Variants in SIGLECL1 observed in about 807,000 individuals in gnomAD.
SIGLECL1 encodes the protein SIGLEC family like 1.
SIGLECL1 carries 16 observed loss-of-function variants against 19.1 expected under a neutral mutation model. The ratio of observed to expected loss-of-function variants is 0.84; its 90% confidence interval spans 0.57 to 1.27. The LOEUF is 1.27. SIGLECL1 is among the 50% of genes most tolerant of loss of function. SIGLECL1 has a pLI of 0.00. For missense variants in SIGLECL1, 210 were observed against 239.4 expected, an observed-to-expected ratio of 0.88 and a Z score of 0.81; for synonymous variants, 89 against 90.4, an observed-to-expected ratio of 0.98 and a Z score of 0.09.
upstream of SIGLECL1, among the ~76,000 whole-genome samples, chr19:51,248,053 A>T (rs932794127): frequency 4.6e-5 from 7 of 152,256 alleles, no homozygotes; most frequent in Admixed American, 2.0e-4. Context: ...TTTTCTTTTT[A>T]ATGAAAAGCA....
intron 3 of SIGLECL1, 47 bp from the exon 4 acceptor site, chr19:51,265,730 G>C (rs780594586): frequency 1.1e-5 from 17 of 1,613,502 alleles, no homozygotes; most frequent in Non-Finnish European, 1.4e-5. Context: ...GAATGGAGCA[G>C]AGTTTTGGCT....
intron 2 of SIGLECL1, among the ~76,000 whole-genome samples, chr19:51,265,034 G>A (rs1445171622): frequency 6.6e-6 from 1 of 152,196 alleles, no homozygotes; most frequent in Non-Finnish European, 1.5e-5. Context: ...TGGTCATAGA[G>A]CCTAAGAGGA....
intron 1 of SIGLECL1, among the ~76,000 whole-genome samples, chr19:51,259,059 A>T (rs1027756641): frequency 2.0e-5 from 3 of 152,212 alleles, no homozygotes; most frequent in African/African-American, 7.2e-5. Flanking sequence ...GAAGACCCAA[A>T]GTCATATGCA....
rs1248794866 is a variant in SIGLECL1, at chr19:51,268,711, C to G, written c.*114C>G. On this transcript the variant is annotated 3_prime_UTR_variant, in exon 6 of 6. Transcript: ENST00000601727. The stretch of plus-strand genomic sequence containing the variant: ...GAGGCTGTAATAAACCTGGAGCCCC[C>G]TGGACTCTCCTCAGCTCACAAAACC... 2 of 970,234 alleles carry G rather than the reference C, an allele frequency of 2.1e-6. No individual in the cohort carries two copies. Among genetic ancestry groups the G allele is most frequent in the African/African-American group, 3.3e-5 (2 of 60,972 alleles). 60.1% of individuals were successfully genotyped at this position (970,234 alleles called of 1,614,324 possible).
intron 1 of SIGLECL1, among the ~76,000 whole-genome samples, chr19:51,259,064 T>C (rs570153265): frequency 2.6e-5 from 4 of 152,320 alleles, no homozygotes; most frequent in Admixed American, 2.0e-4. Flanking sequence ...CCCAAAGTCA[T>C]ATGCATATTA....
chr19:51,262,363 A>G (rs1983298714), intron 1 of SIGLECL1, among the ~76,000 whole-genome samples: 4 of 152,240 alleles, frequency 2.6e-5, no homozygotes. Flanking sequence ...AAGATTTTGA[A>G]GAGTGTATAA....
rs778202388 is a variant in SIGLECL1, at chr19:51,267,410, G to T, written c.448G>T (p.Ala150Ser). Residue 150 changes from alanine (A) to serine (S), a missense_variant, in exon 5 of 6, where the codon GCA (alanine) becomes TCA (serine). Coordinates refer to ENST00000601727, the MANE Select transcript of SIGLECL1 (RefSeq NM_001385465.1). ...CAGAAAGAAGCAGGCGAAGAAAGCT[G>T]CAGCGATCAGAGCAAAAAAGAGCTC... is the stretch of plus-strand genomic sequence containing the variant. ...HIRKKQAKKA[A>S]AIRAKKSSKV... is the part of the protein sequence containing the mutation. 1.9e-6 allele frequency: 3 copies of T among 1,613,736 alleles called. No homozygotes were observed. The highest frequency in any genetic ancestry group is 2.5e-6 in the Non-Finnish European group (3 of 1,180,040).
At chr19:51,261,618 A>G (rs1382727048) in intron 1 of SIGLECL1, among the ~76,000 whole-genome samples, 4 of 152,146 alleles carry the variant, frequency 2.6e-5, no homozygotes. Context: ...CTTTACACTT[A>G]TGCTTTGGTT....
chr19:51,267,069 C>A (rs1983735023), intron 4 of SIGLECL1, among the ~76,000 whole-genome samples: 1 of 152,092 alleles, frequency 6.6e-6, no homozygotes, highest in African/African-American at 2.4e-5. Context: ...GGTGTCAGGG[C>A]AAACTGAGGA....
At chr19:51,247,862 C>T (rs895905151), upstream of SIGLECL1, among the ~76,000 whole-genome samples, 12 of 152,208 alleles carry the variant, frequency 7.9e-5, no homozygotes, top group Non-Finnish European at 1.2e-4. Flanking sequence ...TAATCCTGAA[C>T]GGGTCCTGTT....
upstream of SIGLECL1, among the ~76,000 whole-genome samples, chr19:51,249,044 T>G (rs1212402800): frequency 6.6e-6 from 1 of 152,142 alleles, no homozygotes; most frequent in East Asian, 1.9e-4. Flanking sequence ...AATAGGTAAC[T>G]TACTGAAACA....
At chr19:51,246,439 T>C (rs1982260148), upstream of SIGLECL1, 1 of 152,298 alleles carries the variant, frequency 6.6e-6, no homozygotes, top group African/African-American at 2.4e-5. Flanking sequence ...CCTCACAACC[T>C]CAACGATATT....
intron 1 of SIGLECL1, among the ~76,000 whole-genome samples, chr19:51,253,352 T>C (rs1982612936): frequency 6.6e-6 from 1 of 151,708 alleles, no homozygotes; most frequent in Admixed American, 6.6e-5. Context: ...AACCTTCATA[T>C]CTAGGCAGTT....
upstream of SIGLECL1, among the ~76,000 whole-genome samples, chr19:51,250,330 C>G (rs939285980): frequency 1.3e-5 from 2 of 152,108 alleles, no homozygotes; most frequent in Admixed American, 1.3e-4. Flanking sequence ...GTAATCCGCC[C>G]GCCTCAGCCT....
chr19:51,248,118 T>G (rs549646561), upstream of SIGLECL1, among the ~76,000 whole-genome samples: 1 of 152,218 alleles, frequency 6.6e-6, no homozygotes, highest in East Asian at 1.9e-4. Context: ...CTTGCATGAG[T>G]GAATGACGGC....
upstream of SIGLECL1, among the ~76,000 whole-genome samples, chr19:51,249,631 A>G (rs192624331): frequency 8.5e-5 from 13 of 152,282 alleles, no homozygotes; most frequent in Admixed American, 5.2e-4. Context: ...AACAAAACCA[A>G]AAAGTGAGCT....
chr19:51,250,183 T>G (rs1335432333), upstream of SIGLECL1, among the ~76,000 whole-genome samples: 1 of 152,050 alleles, frequency 6.6e-6, no homozygotes, highest in Non-Finnish European at 1.5e-5. Flanking sequence ...ACCTCGCGGA[T>G]TCAAGCGATT....
upstream of SIGLECL1, among the ~76,000 whole-genome samples, chr19:51,247,664 C>A (rs540799126): frequency 2.0e-5 from 3 of 152,194 alleles, no homozygotes; most frequent in Non-Finnish European, 4.4e-5. Flanking sequence ...GTGATCCACC[C>A]GCCTCAGCCT....
At chr19:51,265,984 G>A (rs1440201412) in intron 4 of SIGLECL1, 102 bp downstream of exon 4, 28 of 1,142,634 alleles carry the variant, frequency 2.5e-5, no homozygotes, top group Non-Finnish European at 3.5e-5. Flanking sequence ...TCCCCTCAAG[G>A]AGCTTAGGGT....
Sources: allele counts gnomAD v4.1 joint callset (sites outside exome capture counted in the v4.1 genomes callset), GRCh38; gene constraint gnomAD v4.1.1; transcripts MANE v1.5; gene names NCBI Gene and HGNC (gene_info 2026-07-23, HGNC 2026-07-21).